ZNF808: variants seen among roughly 807,000 people sequenced by gnomAD.
ZNF808 encodes zinc finger protein 808.
ZNF808 carries 5 observed loss-of-function variants against 8.7 expected under a neutral mutation model. That is an observed-to-expected ratio of 0.58 (90% confidence interval 0.30 to 1.21). The LOEUF (loss-of-function observed/expected upper bound fraction) is 1.21, where lower values mean the gene tolerates loss of function less well. Among genes scored for constraint, ZNF808 ranks in the 50% most tolerant of loss-of-function variants. The pLI, the probability that ZNF808 is intolerant of heterozygous loss-of-function variation, is 0.07. For synonymous variants in ZNF808, 380 were observed against 366.0 expected (o/e 1.04, Z -0.44); for missense variants, 1,103 against 1,098.4 (o/e 1.00, Z -0.06).
In ZNF808 at chr19:52,553,437, G is replaced by A; in HGVS notation, c.521G>A (p.Gly174Asp). 3 of 1,614,112 alleles carry A rather than the reference G, an allele frequency of 1.9e-6. No homozygotes were observed. The highest frequency in any genetic ancestry group is 2.5e-6 in the Non-Finnish European group (3 of 1,180,022). The stretch of plus-strand genomic sequence containing the variant: ...GAACTCCACATATTTCAGATCAAAG[G>A]TGAAATTGCTAATCAACTTGAGAAG... ...LPELHIFQIK[G>D]EIANQLEKST... is the part of the protein sequence containing the mutation. Residue 174 changes from glycine (G) to aspartate (D), a missense_variant, in exon 5 of 5, where the codon GGT becomes GAT. Gly to Asp is a moderately conservative substitution (Grantham distance 94, BLOSUM62 -1). Transcript: ENST00000359798.
At chr19:52,538,622 CT>C in intron 2 of ZNF808, among the ~76,000 whole-genome samples, 1 of 131,054 alleles carries the variant, frequency 7.6e-6, no homozygotes, top group South Asian at 2.4e-4. Context: ...GAGCGAAACT[CT>C]GTCTCAAAAA....
At chr19:52,566,811 G>A (rs911385571), downstream of ZNF808, among the ~76,000 whole-genome samples, 7 of 152,086 alleles carry the variant, frequency 4.6e-5, no homozygotes, top group African/African-American at 1.4e-4. Context: ...TTACAGTTAA[G>A]AAAAGCAGCT....
intron 3 of ZNF808, among the ~76,000 whole-genome samples, chr19:52,547,249 T>A (rs2059730968): frequency 6.6e-6 from 1 of 152,074 alleles, no homozygotes; most frequent in Admixed American, 6.6e-5. Context: ...CACCCGGCCC[T>A]GTGTTTCCTT....
At chr19:52,539,051 G>A (rs1324951249) in intron 2 of ZNF808, among the ~76,000 whole-genome samples, 1 of 151,280 alleles carries the variant, frequency 6.6e-6, no homozygotes, top group East Asian at 1.9e-4. Context: ...GGCTGGGGTC[G>A]GGAGTGGGGG....
At chr19:52,551,792 C>T (rs920008418) in intron 4 of ZNF808, among the ~76,000 whole-genome samples, 1 of 134,522 alleles carries the variant, frequency 7.4e-6, no homozygotes, top group African/African-American at 2.7e-5. Context: ...TACTTAAGGT[C>T]AGGAGTTTGA....
intron 4 of ZNF808, among the ~76,000 whole-genome samples, chr19:52,552,269 G>A (rs1177680119): frequency 4.0e-5 from 6 of 151,720 alleles, no homozygotes; most frequent in Admixed American, 1.3e-4. Context: ...CACCCTTCTC[G>A]GCCTCCCAAA....
downstream of ZNF808, among the ~76,000 whole-genome samples, chr19:52,566,556 GATAC>G (rs1369246267): frequency 6.6e-6 from 1 of 152,108 alleles, no homozygotes; most frequent in East Asian, 1.9e-4. Flanking sequence ...TAATTACATA[GATAC>G]ACAAAACTTT....
intron 1 of ZNF808, among the ~76,000 whole-genome samples, 193 bp from the exon 2 acceptor site, chr19:52,532,715 A>G (rs1169508856): frequency 2.8e-5 from 4 of 144,620 alleles, no homozygotes; most frequent in Non-Finnish European, 6.0e-5. Context: ...CTTCCATAGA[A>G]ATGATTTGAA....
intron 1 of ZNF808, among the ~76,000 whole-genome samples, chr19:52,532,084 ATTAATAT>A (rs1173374162): frequency 6.6e-6 from 1 of 152,182 alleles, no homozygotes; most frequent in African/African-American, 2.4e-5. Context: ...TAGTTTACTG[ATTAATAT>A]TTAAGATTTC....
At chr19:52,529,909 ATATTT>A (rs200869817) in intron 1 of ZNF808, among the ~76,000 whole-genome samples, 26,304 of 133,934 alleles carry the variant, frequency 0.2, 2,655 homozygotes, top group East Asian at 0.44. Context: ...ATATATATAT[ATATTT>A]TTTTTTTTTG....
Position 52,555,119 on chromosome 19 carries a change from T to G in ZNF808, c.2203T>G (p.Tyr735Asp), listed in dbSNP as rs1600040727. ...HRRIHSGEKP[Y>D]KCSECSKTFS... ...TAGAATTCATAGTGGTGAGAAACCTTACAAGTGTAGTGAGTGCAGCAAGAC... is the reference window on the plus strand; with the variant it reads ...TAGAATTCATAGTGGTGAGAAACCTGACAAGTGTAGTGAGTGCAGCAAGAC... Residue 735 changes from tyrosine (Y) to aspartate (D), a missense_variant, in exon 5 of 5, where the codon TAC becomes GAC. Transcript: ENST00000359798. 6.2e-7 allele frequency: 1 copy of G among 1,614,164 alleles called. No individual in the cohort carries two copies. Among genetic ancestry groups the G allele is most frequent in the Non-Finnish European group, 8.5e-7 (1 of 1,180,026 alleles).
intron 4 of ZNF808, among the ~76,000 whole-genome samples, chr19:52,552,889 G>C (rs764333236): frequency 4.7e-4 from 71 of 152,034 alleles, no homozygotes; most frequent in Non-Finnish European, 8.8e-4. Context: ...TCAGTGTTTT[G>C]TCATGATATA....
rs2059734913 is a variant in ZNF808, at chr19:52,547,607, G to A, written c.159G>A (p.Met53Ile). 6.2e-7 allele frequency: 1 copy of A among 1,614,088 alleles called. No individual in the cohort carries two copies. Among genetic ancestry groups the A allele is most frequent in the East Asian group, 2.2e-5 (1 of 44,880 alleles). ...PAQRALYREV[M>I]LENYRNLEAV... ...AGAGGGCTTTGTACAGGGAAGTGAT[G>A]TTGGAGAACTACAGGAACCTGGAGG... Residue 53 changes from methionine (M) to isoleucine (I), a missense_variant, in exon 4 of 5, where the codon ATG becomes ATA. Met to Ile is a conservative substitution (Grantham distance 10). Coordinates refer to ENST00000359798, the MANE Select transcript of ZNF808 (RefSeq NM_001039886.4).
At chr19:52,540,217 G>T (rs770706611) in intron 2 of ZNF808, among the ~76,000 whole-genome samples, 30 of 151,928 alleles carry the variant, frequency 2.0e-4, no homozygotes, top group Non-Finnish European at 3.7e-4. Context: ...TCTCCATATT[G>T]GCCAGGCTGG....
At chr19:52,546,230 C>G (rs1600001115) in intron 3 of ZNF808, among the ~76,000 whole-genome samples, 1 of 151,066 alleles carries the variant, frequency 6.6e-6, no homozygotes, top group South Asian at 2.1e-4. Context: ...CTTTGTCACC[C>G]AGGCTGAAGT....
At chr19:52,540,615 A>G (rs1429613930) in intron 2 of ZNF808, among the ~76,000 whole-genome samples, 2 of 152,094 alleles carry the variant, frequency 1.3e-5, no homozygotes, top group Non-Finnish European at 2.9e-5. Flanking sequence ...ATCTGAAAAA[A>G]TGGTAATCTG....
Position 52,554,362 on chromosome 19 carries a change from T to C in ZNF808, c.1446T>C (p.Thr482=), listed in dbSNP as rs368227216. The C allele has an allele frequency of 3.5e-5, 56 of 1,613,610 alleles. 1 individual carries two copies. The African/African-American group carries it at 5.9e-4, about 17-fold the overall frequency. ...GAAGAATTCACACTGGAGAGAAAACTTACAAGTGTAATGAGTGTCGCAAGA... is the reference window on the plus strand; with the variant it reads ...GAAGAATTCACACTGGAGAGAAAACCTACAAGTGTAATGAGTGTCGCAAGA... The part of the protein sequence containing the change: ...RHRRIHTGEK[T]YKCNECRKTF... The change falls in exon 5 of 5, where the codon ACT becomes ACC. Residue 482 remains threonine (T), a synonymous_variant. Transcript: ENST00000359798.
At chr19:52,540,825 G>T (rs944603036) in intron 2 of ZNF808, among the ~76,000 whole-genome samples, 1 of 152,148 alleles carries the variant, frequency 6.6e-6, no homozygotes, top group African/African-American at 2.4e-5. Flanking sequence ...GTGCACAGTT[G>T]TGTGTATTTT....
chr19:52,543,148 T>TGAAGTGG, intron 2 of ZNF808, 118 bp from the exon 3 acceptor site: 1 of 983,198 alleles, frequency 1.0e-6, no homozygotes, highest in East Asian at 2.5e-5. Context: ...TGATCTCTGG[T>TGAAGTGG]GCAGTGGGCA....
Sources: allele counts gnomAD v4.1 joint callset (sites outside exome capture counted in the v4.1 genomes callset), GRCh38; gene constraint gnomAD v4.1.1; transcripts MANE v1.5; gene names NCBI Gene and HGNC (gene_info 2026-07-23, HGNC 2026-07-21).